The following IL1RAPL1 variants were observed in gnomAD, a reference collection of about 807,000 sequenced individuals.
IL1RAPL1 encodes interleukin 1 receptor accessory protein like 1.
In IL1RAPL1, 3 loss-of-function variants were observed where a neutral mutation model predicts 48.4. The observed-to-expected ratio is 0.06, with a 90% CI of 0.03 to 0.16. The LOEUF is 0.16. IL1RAPL1 is among the 10% of genes least tolerant of loss of function. The pLI, the probability that IL1RAPL1 is intolerant of heterozygous loss-of-function variation, is 1.00. For synonymous variants in IL1RAPL1, 185 were observed against 187.7 expected (o/e 0.99, Z 0.12); for missense variants, 349 against 530.6 (o/e 0.66, Z 3.36).
chrX:29,214,602 C>T (rs1022267680), intron 2 of IL1RAPL1, among the ~76,000 whole-genome samples: 1 of 111,599 alleles, frequency 9.0e-6, no homozygotes, highest in Non-Finnish European at 1.9e-5. Flanking sequence ...TTAGAGCCAT[C>T]ATTTTATAAG....
chrX:29,605,123 C>A lies in IL1RAPL1; in HGVS notation c.704-63307C>A, dbSNP rs987899412. ...ACACACACACACACACACACACACA[C>A]ACACGGAGGGAGGGAGGGAGGGAAG... On this transcript the variant is annotated intron_variant, in intron 5 of 10. Transcript: ENST00000378993. Among the ~76,000 whole-genome samples, 364 of 87,099 alleles carry A rather than the reference C, an allele frequency of 4.2e-3. 1 individual carries two copies. Among genetic ancestry groups the A allele is most frequent in the African/African-American group, 0.016 (349 of 22,358 alleles). 75.6% of individuals were successfully genotyped at this position (87,099 alleles called of 115,157 possible). A position where few individuals can be genotyped will look rare whatever the true frequency, so the allele number is the denominator to read the frequency against.
chrX:29,235,816 C>T (rs1000291796), intron 2 of IL1RAPL1, among the ~76,000 whole-genome samples: 2 of 112,057 alleles, frequency 1.8e-5, no homozygotes, highest in African/African-American at 6.5e-5. Context: ...ATGTGCTAGG[C>T]AGCCTTTGAG....
At chrX:28,721,762 A>G (rs941643145) in intron 1 of IL1RAPL1, among the ~76,000 whole-genome samples, 1 of 110,822 alleles carries the variant, frequency 9.0e-6, no homozygotes, top group Non-Finnish European at 1.9e-5. Context: ...ATCTTGAATT[A>G]ATTTTTGTAT....
chrX:29,219,284 G>T (rs760326222), intron 2 of IL1RAPL1, among the ~76,000 whole-genome samples: 1 of 111,441 alleles, frequency 9.0e-6, no homozygotes, highest in Non-Finnish European at 1.9e-5. Context: ...TAAAATTATT[G>T]CTTTATTTAT....
At chrX:29,899,311 A>G (rs775783990) in intron 6 of IL1RAPL1, among the ~76,000 whole-genome samples, 176 of 111,281 alleles carry the variant, frequency 1.6e-3, no homozygotes, top group Middle Eastern at 9.3e-3. Context: ...ATACTTTTAA[A>G]CAATAATAAC....
At chrX:29,919,687 C>T (rs1451368334) in intron 7 of IL1RAPL1, among the ~76,000 whole-genome samples, 1 of 112,480 alleles carries the variant, frequency 8.9e-6, no homozygotes, top group Non-Finnish European at 1.9e-5. Flanking sequence ...GTCTTTCTCA[C>T]CTCTTTATTA....
rs1163591138 is a variant in IL1RAPL1, at chrX:29,644,133, A to G, written c.704-24297A>G. Among the ~76,000 whole-genome samples, 4 of 112,326 alleles carry G rather than the reference A, an allele frequency of 3.6e-5. No homozygotes were observed. In the East Asian group the frequency reaches 8.3e-4, roughly 23 times the overall value. ...GTTCTTTCCATTGCAAATAAAGAAG[A>G]CAAAGAAGTCTATTAAAGGTATCTA... On this transcript the variant is annotated intron_variant, in intron 5 of 10. Coordinates refer to ENST00000378993, the MANE Select transcript of IL1RAPL1 (RefSeq NM_014271.4).
intron 2 of IL1RAPL1, among the ~76,000 whole-genome samples, chrX:28,820,795 G>A (rs1016786258): frequency 9.0e-6 from 1 of 111,024 alleles, no homozygotes; most frequent in Admixed American, 9.6e-5. Context: ...GAGCTGCCAC[G>A]GACTCCTCAT....
intron 8 of IL1RAPL1, among the ~76,000 whole-genome samples, chrX:29,934,046 GA>G (rs1287487260): frequency 4.5e-4 from 46 of 101,947 alleles, no homozygotes; most frequent in Middle Eastern, 4.9e-3. Flanking sequence ...TATGGTAAAT[GA>G]AAAAAAAAAG....
intron 2 of IL1RAPL1, among the ~76,000 whole-genome samples, chrX:28,795,709 TATA>T (rs1288635962): frequency 9.0e-6 from 1 of 111,065 alleles, no homozygotes; most frequent in African/African-American, 3.3e-5. Flanking sequence ...TATTATTGCT[TATA>T]ATAAGTAATA....
chrX:28,723,283 T>A (rs1282367335), intron 1 of IL1RAPL1, among the ~76,000 whole-genome samples: 1 of 111,004 alleles, frequency 9.0e-6, no homozygotes, highest in Non-Finnish European at 1.9e-5. Flanking sequence ...CTGTTATTGG[T>A]CTATTCAGGG....
At chrX:28,789,199 T>G in intron 1 of IL1RAPL1, 121 bp from the exon 2 acceptor site, 1 of 461,536 alleles carries the variant, frequency 2.2e-6, no homozygotes, top group Non-Finnish European at 3.7e-6. Context: ...CCTGGTTATA[T>G]TCTTTCCTTT....
At chrX:28,600,720 G>A (rs919625900) in intron 1 of IL1RAPL1, among the ~76,000 whole-genome samples, 4 of 111,492 alleles carry the variant, frequency 3.6e-5, no homozygotes, top group African/African-American at 1.3e-4. Context: ...TGAAAGCAGT[G>A]TTTCATTAGC....
intron 1 of IL1RAPL1, among the ~76,000 whole-genome samples, chrX:28,678,236 A>G (rs1935020301): frequency 9.0e-6 from 1 of 111,431 alleles, no homozygotes; most frequent in African/African-American, 3.3e-5. Flanking sequence ...GATGGCTATC[A>G]AGTAATCGCC....
intron 2 of IL1RAPL1, among the ~76,000 whole-genome samples, chrX:28,955,830 G>A (rs776531247): frequency 1.2e-3 from 76 of 63,949 alleles, no homozygotes; most frequent in Non-Finnish European, 1.9e-3. Flanking sequence ...GGCATTGGTA[G>A]CTTGATGGGG....
chrX:28,946,839 G>A (rs1341270429), intron 2 of IL1RAPL1, among the ~76,000 whole-genome samples: 1 of 111,620 alleles, frequency 9.0e-6, no homozygotes, highest in Non-Finnish European at 1.9e-5. Flanking sequence ...TTAATAAAAA[G>A]CACAGTGCTA....
At chrX:28,885,875 C>T (rs893976138) in intron 2 of IL1RAPL1, among the ~76,000 whole-genome samples, 1 of 111,387 alleles carries the variant, frequency 9.0e-6, no homozygotes, top group Non-Finnish European at 1.9e-5. Flanking sequence ...ATAATAGATA[C>T]AAACCAGTAA....
At chrX:29,812,470 C>T (rs944782681) in intron 6 of IL1RAPL1, among the ~76,000 whole-genome samples, 8 of 110,893 alleles carry the variant, frequency 7.2e-5, no homozygotes, top group Non-Finnish European at 1.1e-4. Context: ...ATTTGAAGCA[C>T]GTCAAGAAAA....
chrX:29,205,104 G>GA (rs2147536978), intron 2 of IL1RAPL1, among the ~76,000 whole-genome samples: 1 of 111,257 alleles, frequency 9.0e-6, no homozygotes, highest in East Asian at 2.8e-4. Context: ...TTATTATGGG[G>GA]GGTAGACAAA....
Sources: gnomAD v4.1 joint callset for allele counts (sites outside exome capture counted in the v4.1 genomes callset) on GRCh38, gnomAD v4.1.1 for gene constraint, MANE v1.5 for transcripts, NCBI Gene and HGNC (gene_info 2026-07-23, HGNC 2026-07-21) for gene names.